Variants in PTPRN2 observed in about 807,000 individuals in gnomAD.
PTPRN2 encodes the protein receptor-type tyrosine-protein phosphatase N2.
PTPRN2 carries 74 observed loss-of-function variants against 118.8 expected under a neutral mutation model. The ratio of observed to expected loss-of-function variants is 0.62; its 90% CI spans 0.52 to 0.76. The LOEUF is 0.76. PTPRN2 is among the 30% of genes least tolerant of loss of function. PTPRN2 has a pLI of 0.00. For synonymous variants in PTPRN2, 641 were observed against 608.0 expected, an observed-to-expected ratio of 1.05 and a Z score of -0.80; for missense variants, 1,481 against 1,394.4, an observed-to-expected ratio of 1.06 and a Z score of -0.99.
At chr7:158,190,807 T>C (rs1186232878) in intron 5 of PTPRN2, among the ~76,000 whole-genome samples, 1 of 152,256 alleles carries the variant, frequency 6.6e-6, no homozygotes, top group Admixed American at 6.5e-5. Context: ...AGGGCTCTGT[T>C]TGGCGGCCGT....
At chr7:157,624,543 A>G (rs1261867479) in intron 14 of PTPRN2, among the ~76,000 whole-genome samples, 1 of 152,228 alleles carries the variant, frequency 6.6e-6, no homozygotes, top group Non-Finnish European at 1.5e-5. Flanking sequence ...CATCTCACAC[A>G]AAGCCTACTG....
chr7:157,566,514 G>A (rs891651362), intron 21 of PTPRN2, among the ~76,000 whole-genome samples: 1 of 152,190 alleles, frequency 6.6e-6, no homozygotes, highest in Admixed American at 6.5e-5. Context: ...CTGTGGCCTG[G>A]GACCCGGGTC....
At chr7:157,613,480 C>T (rs1167081074) in intron 15 of PTPRN2, among the ~76,000 whole-genome samples, 1 of 152,226 alleles carries the variant, frequency 6.6e-6, no homozygotes, top group African/African-American at 2.4e-5. Context: ...ACCTCGGGGC[C>T]TCAATCGACA....
chr7:158,417,758 T>TAG lies in PTPRN2; in HGVS notation c.163+71976_163+71977insCT, dbSNP rs56421444. On this transcript the variant is annotated intron_variant, in intron 2 of 22. Transcript: ENST00000389418. Reference sequence around the variant, plus strand: ...CACGGTGTACTACATCGAGATGCTCTCTCAGTGTCCCGCTGTGTTAAGTCA... The same window carrying TAG: ...CACGGTGTACTACATCGAGATGCTCTAGCTCAGTGTCCCGCTGTGTTAAGTCA... Among the ~76,000 whole-genome samples, 340 of 59,106 alleles carry TAG rather than the reference T, an allele frequency of 5.8e-3. 61 individuals carry two copies. The highest frequency in any genetic ancestry group is 6.3e-3 in the Non-Finnish European group (186 of 29,358). 38.8% of individuals were successfully genotyped at this position (59,106 alleles called of 152,430 possible).
intron 10 of PTPRN2, among the ~76,000 whole-genome samples, chr7:158,084,832 C>T (rs1178977113): frequency 6.9e-6 from 1 of 144,842 alleles, no homozygotes; most frequent in Non-Finnish European, 1.5e-5. Context: ...AATGCCCATC[C>T]ACACCCACGA....
At chr7:157,889,419 T>C (rs576345970) in intron 12 of PTPRN2, among the ~76,000 whole-genome samples, 4 of 152,212 alleles carry the variant, frequency 2.6e-5, no homozygotes, top group Non-Finnish European at 5.9e-5. Context: ...CTTCCTTTTA[T>C]GGTTTCGACC....
At chr7:158,480,307 G>A (rs1186599118) in intron 2 of PTPRN2, among the ~76,000 whole-genome samples, 1 of 152,034 alleles carries the variant, frequency 6.6e-6, no homozygotes, top group Non-Finnish European at 1.5e-5. Flanking sequence ...ATTGTTTTGG[G>A]GCACCATGAA....
intron 2 of PTPRN2, among the ~76,000 whole-genome samples, chr7:158,352,998 G>A (rs1046876184): frequency 6.6e-6 from 1 of 152,198 alleles, no homozygotes; most frequent in South Asian, 2.1e-4. Flanking sequence ...CCTATTCCGG[G>A]TCTCCTAACA....
rs36131788 is a variant in PTPRN2 at position 158,522,138 on chromosome 7, A to G, written c.113-32353T>C. 7.9e-3 allele frequency among the ~76,000 whole-genome samples: 207 copies of G among 26,168 alleles called. 1 individual carries two copies. Among genetic ancestry groups the G allele is most frequent in the Admixed American group, 0.011 (24 of 2,102 alleles). 17.2% of individuals were successfully genotyped at this position (26,168 alleles called of 152,430 possible). On this transcript the variant is annotated intron_variant, in intron 1 of 22. Coordinates refer to ENST00000389418, the MANE Select transcript of PTPRN2 (RefSeq NM_002847.5). ...TGGTGGACTGTCCAGGTGCTGGCTC[A>G]GGAGGGAGGTCCACGTCACAATGGT...
intron 13 of PTPRN2, among the ~76,000 whole-genome samples, chr7:157,682,431 A>AG (rs1796959222): frequency 6.6e-6 from 1 of 152,240 alleles, no homozygotes; most frequent in Non-Finnish European, 1.5e-5. Context: ...CTAAGATAAC[A>AG]GATAATACAT....
chr7:158,114,036 C>G (rs7778741), intron 9 of PTPRN2, among the ~76,000 whole-genome samples: 147,125 of 152,370 alleles, frequency 0.97, 71,085 homozygotes, highest in Middle Eastern at 0.98. Context: ...AGTGTGGCTG[C>G]AACTGGAGCC....
intron 3 of PTPRN2, among the ~76,000 whole-genome samples, chr7:158,300,908 C>G (rs1800844382): frequency 6.6e-6 from 1 of 152,078 alleles, no homozygotes; most frequent in Non-Finnish European, 1.5e-5. Flanking sequence ...ATTTCCACCG[C>G]TGTAATGAGA....
At chr7:158,342,713 G>C (rs118105373) in intron 2 of PTPRN2, among the ~76,000 whole-genome samples, 6 of 152,228 alleles carry the variant, frequency 3.9e-5, no homozygotes, top group Non-Finnish European at 8.8e-5. Context: ...TCAGAAACTA[G>C]AGCCCAGAGA....
intron 2 of PTPRN2, among the ~76,000 whole-genome samples, chr7:158,319,137 A>G (rs906324202): frequency 5.3e-5 from 8 of 152,204 alleles, no homozygotes; most frequent in African/African-American, 1.9e-4. Flanking sequence ...TAGAATATAT[A>G]CAATATAATG....
chr7:158,573,180 C>G (rs531747242), intron 1 of PTPRN2, among the ~76,000 whole-genome samples: 124 of 152,264 alleles, frequency 8.1e-4, no homozygotes, highest in Non-Finnish European at 1.2e-3. Context: ...GATGCCTCAT[C>G]TGATCATCAA....
intron 9 of PTPRN2, among the ~76,000 whole-genome samples, chr7:158,131,012 ACATACT>A (rs1443426799): frequency 2.6e-5 from 4 of 150,976 alleles, no homozygotes; most frequent in Admixed American, 6.6e-5. Context: ...ACACTACCTG[ACATACT>A]CATATACACA....
At chr7:158,242,763 T>C (rs759047272) in intron 3 of PTPRN2, among the ~76,000 whole-genome samples, 8 of 152,238 alleles carry the variant, frequency 5.3e-5, no homozygotes, top group Non-Finnish European at 1.0e-4. Context: ...GTAGGTTGTA[T>C]GTGTCTAGGA....
At chr7:157,932,910 A>AG (rs1799449929) in intron 11 of PTPRN2, among the ~76,000 whole-genome samples, 1 of 145,294 alleles carries the variant, frequency 6.9e-6, no homozygotes, top group South Asian at 2.2e-4. Context: ...GTTTTAGAGA[A>AG]GGGGTGAGTC....
intron 11 of PTPRN2, among the ~76,000 whole-genome samples, chr7:157,942,027 C>A (rs10278921): frequency 6.6e-6 from 1 of 150,796 alleles, no homozygotes; most frequent in South Asian, 2.1e-4. Flanking sequence ...CCTTCGCACA[C>A]GGGGGTCCTC....
Sources: gnomAD v4.1 joint callset for allele counts (sites outside exome capture counted in the v4.1 genomes callset) on GRCh38, gnomAD v4.1.1 for gene constraint, MANE v1.5 for transcripts, NCBI Gene and HGNC (gene_info 2026-07-23, HGNC 2026-07-21) for gene names.